Variants in GTF2E2 observed in about 807,000 individuals in gnomAD.
GTF2E2 encodes transcription initiation factor IIE subunit beta.
GTF2E2 carries 21 observed loss-of-function variants against 40.5 expected under a neutral mutation model. The observed-to-expected ratio is 0.52, with a 90% CI of 0.37 to 0.75. The LOEUF (loss-of-function observed/expected upper bound fraction) is 0.75. Among genes scored for constraint, GTF2E2 ranks in the 30% least tolerant of loss-of-function variants. The pLI is 0.00. For missense variants in GTF2E2, 298 were observed against 338.4 expected, an observed-to-expected ratio of 0.88 and a Z score of 0.94; for synonymous variants, 117 against 121.6, an observed-to-expected ratio of 0.96 and a Z score of 0.25.
chr8:30,607,161 GATAAA>G lies in GTF2E2; in HGVS notation c.550-16_550-12del, dbSNP rs772050793. Reference sequence around the variant, plus strand: ...CTGGTCCCCCAAAGCCTTAAAGATAGATAAAATAAAGATTTTTCAGTTAACTCCAA... The same window carrying G: ...CTGGTCCCCCAAAGCCTTAAAGATAGATAAAGATTTTTCAGTTAACTCCAA... On this transcript the variant is annotated splice_polypyrimidine_tract_variant and intron_variant, in intron 5 of 7. Coordinates refer to ENST00000355904, the MANE Select transcript of GTF2E2 (RefSeq NM_002095.6). 2.9e-6 allele frequency: 3 copies of G among 1,037,470 alleles called. No individual in the cohort carries two copies. The highest frequency in any genetic ancestry group is 2.6e-5 in the East Asian group (1 of 38,094). 64.3% of individuals were successfully genotyped at this position (1,037,470 alleles called of 1,614,324 possible).
chr8:30,614,608 C>G lies in GTF2E2; in HGVS notation c.366G>C (p.Glu122Asp). The G allele has an allele frequency of 6.8e-7, 1 of 1,478,542 alleles. No homozygotes were observed. 91.6% of individuals were successfully genotyped at this position (1,478,542 alleles called of 1,614,324 possible). ...TCTTGATAATCAACTAAATTCTTAC[C>G]TCAGTCATTAGCCATTGTTTCTGCT... ...GLKQKQWLMT[E>D]ALVNNPKIEV... is the part of the protein sequence containing the mutation. Residue 122 changes from glutamate to aspartate, a missense_variant and splice_region_variant, in exon 4 of 8, where the codon GAG (glutamate) becomes GAC (aspartate). Coordinates refer to ENST00000355904, the MANE Select transcript of GTF2E2 (RefSeq NM_002095.6).
chr8:30,639,777 T>C (rs79627643), intron 2 of GTF2E2, among the ~76,000 whole-genome samples: 2 of 152,046 alleles, frequency 1.3e-5, no homozygotes, highest in African/African-American at 2.4e-5. Flanking sequence ...GTTTTTTTTT[T>C]CTTCATAATT....
chr8:30,616,835 T>G (rs1465479523), intron 3 of GTF2E2, among the ~76,000 whole-genome samples: 1 of 151,808 alleles, frequency 6.6e-6, no homozygotes, highest in Non-Finnish European at 1.5e-5. Context: ...TTAAAGTAAA[T>G]AAGAAAAAAG....
At chr8:30,622,318 G>A (rs182264913) in intron 3 of GTF2E2, among the ~76,000 whole-genome samples, 2 of 152,110 alleles carry the variant, frequency 1.3e-5, no homozygotes, top group East Asian at 3.9e-4. Flanking sequence ...TCACATGTCA[G>A]TAGGTTCCGT....
chr8:30,625,139 T>C (rs376113099), intron 3 of GTF2E2, among the ~76,000 whole-genome samples: 1 of 152,118 alleles, frequency 6.6e-6, no homozygotes, highest in Non-Finnish European at 1.5e-5. Context: ...ATACTGGCTG[T>C]GGGTTTGTCA....
chr8:30,643,770 A>C (rs1003788801), intron 2 of GTF2E2: 4 of 152,030 alleles, frequency 2.6e-5, no homozygotes, highest in Non-Finnish European at 4.4e-5. Flanking sequence ...TCTAAGTCTT[A>C]ACCCAATTTT....
chr8:30,644,153 T>C (rs1045319565), intron 2 of GTF2E2, among the ~76,000 whole-genome samples: 1 of 152,200 alleles, frequency 6.6e-6, no homozygotes, highest in Non-Finnish European at 1.5e-5. Context: ...ATTACTATAG[T>C]TCCATACTGA....
chr8:30,653,363 G>C, intron 2 of GTF2E2, 70 bp downstream of exon 2: 1 of 1,153,574 alleles, frequency 8.7e-7, no homozygotes, highest in South Asian at 1.4e-5. Flanking sequence ...AAATGAACTA[G>C]CCATAACTAA....
intron 2 of GTF2E2, among the ~76,000 whole-genome samples, chr8:30,651,280 G>A (rs1342639745): frequency 6.6e-6 from 1 of 151,848 alleles, no homozygotes; most frequent in African/African-American, 2.4e-5. Context: ...ACATAATCTT[G>A]ACATAGAAAA....
intron 6 of GTF2E2, among the ~76,000 whole-genome samples, chr8:30,604,511 T>G (rs183617805): frequency 2.0e-5 from 3 of 152,326 alleles, no homozygotes; most frequent in Admixed American, 6.5e-5. Context: ...TTAAAACTCA[T>G]TAATCAGGTA....
At chr8:30,590,176 T>A (rs535003427) in intron 6 of GTF2E2, among the ~76,000 whole-genome samples, 93 of 152,312 alleles carry the variant, frequency 6.1e-4, no homozygotes, top group African/African-American at 2.1e-3. Context: ...AACATATAAA[T>A]AAAATCACAC....
At chr8:30,594,695 TA>T (rs540125870) in intron 6 of GTF2E2, among the ~76,000 whole-genome samples, 47 of 151,762 alleles carry the variant, frequency 3.1e-4, no homozygotes, top group African/African-American at 1.1e-3. Flanking sequence ...CTGTCTCTAC[TA>T]AAAAATACTA....
At chr8:30,606,802 T>G (rs1829327096) in intron 6 of GTF2E2, among the ~76,000 whole-genome samples, 1 of 152,198 alleles carries the variant, frequency 6.6e-6, no homozygotes, top group African/African-American at 2.4e-5. Context: ...TTTGGTTCAG[T>G]TGAGCTATAA....
intron 4 of GTF2E2, among the ~76,000 whole-genome samples, chr8:30,613,234 T>C (rs1280711643): frequency 6.6e-6 from 1 of 152,234 alleles, no homozygotes; most frequent in Non-Finnish European, 1.5e-5. Context: ...TAACCCTTAC[T>C]AGTCAATGGT....
At chr8:30,600,433 T>C (rs1028408382) in intron 6 of GTF2E2, among the ~76,000 whole-genome samples, 31 of 152,198 alleles carry the variant, frequency 2.0e-4, no homozygotes, top group African/African-American at 6.5e-4. Context: ...AGCACTTTTA[T>C]TTATATTCAC....
intron 3 of GTF2E2, among the ~76,000 whole-genome samples, chr8:30,625,144 T>C (rs1388715477): frequency 1.3e-5 from 2 of 152,096 alleles, no homozygotes; most frequent in Admixed American, 1.3e-4. Context: ...GGCTGTGGGT[T>C]TGTCATAAAT....
chr8:30,607,546 A>G (rs1409056931), intron 5 of GTF2E2, among the ~76,000 whole-genome samples: 4 of 152,236 alleles, frequency 2.6e-5, no homozygotes, highest in Non-Finnish European at 4.4e-5. Flanking sequence ...ATCAGAAAGT[A>G]CAGGGACTAT....
At chr8:30,620,294 T>A (rs1801056245) in intron 3 of GTF2E2, among the ~76,000 whole-genome samples, 1 of 151,272 alleles carries the variant, frequency 6.6e-6, no homozygotes, top group African/African-American at 2.4e-5. Context: ...ACACATTCAT[T>A]CCTTTGAGAT....
intron 3 of GTF2E2, among the ~76,000 whole-genome samples, chr8:30,629,762 C>A (rs908405584): frequency 6.6e-6 from 1 of 151,134 alleles, no homozygotes. Flanking sequence ...TGGAAAGGGG[C>A]CCAAGAATTT....
Sources: allele counts gnomAD v4.1 joint callset (sites outside exome capture counted in the v4.1 genomes callset), GRCh38; gene constraint gnomAD v4.1.1; transcripts MANE v1.5; gene names NCBI Gene and HGNC (gene_info 2026-07-23, HGNC 2026-07-21).